KRT23: variants seen among roughly 807,000 people sequenced by gnomAD.
The protein encoded by KRT23 is keratin 23, also known as keratin, type I cytoskeletal 23.
Under a neutral mutation model 47.6 loss-of-function variants are expected in KRT23, and 38 were observed. That is an observed-to-expected ratio of 0.80 (90% CI 0.62 to 1.05). The LOEUF is 1.05. KRT23 is among the 50% of genes least tolerant of loss of function. KRT23 has a pLI of 0.00. For missense variants in KRT23, 503 were observed against 529.5 expected, an observed-to-expected ratio of 0.95 and a Z score of 0.49; for synonymous variants, 191 against 199.0, an observed-to-expected ratio of 0.96 and a Z score of 0.34.
chr17:40,933,683 A>G (rs1909852052), intron 2 of KRT23, among the ~76,000 whole-genome samples: 1 of 152,240 alleles, frequency 6.6e-6, no homozygotes, highest in African/African-American at 2.4e-5. Context: ...AATGTGCTTG[A>G]TATAGAGCAC....
rs769519537 is a variant in KRT23 at position 40,928,594 on chromosome 17, T to C, written c.650A>G (p.His217Arg). Residue 217 changes from histidine (H) to arginine (R), a missense_variant, in exon 5 of 9, where the codon CAT (histidine) becomes CGT (arginine). Transcript: ENST00000209718. ...KKHHEQEMEK[H>R]HVPSDFNVNV... ...GACATTGAAGTCACTTGGCACATGATGCTTCTCCATTTCCTATTTAATAAC... is the reference window on the plus strand; with the variant it reads ...GACATTGAAGTCACTTGGCACATGACGCTTCTCCATTTCCTATTTAATAAC... 3.1e-6 allele frequency: 5 copies of C among 1,612,040 alleles called. No individual in the cohort carries two copies. Among genetic ancestry groups the C allele is most frequent in the Non-Finnish European group, 4.2e-6 (5 of 1,179,628 alleles).
chr17:40,925,319 C>T, intron 7 of KRT23, 35 bp downstream of exon 7: 4 of 1,568,900 alleles, frequency 2.5e-6, no homozygotes, highest in East Asian at 2.2e-5. Context: ...CTGGAGGTCC[C>T]TCGCATGCTC....
In KRT23 at chr17:40,936,676, A is replaced by C; in HGVS notation, c.-73T>G. On this transcript the variant is annotated 5_prime_UTR_variant, in exon 2 of 9. Coordinates refer to ENST00000209718, the MANE Select transcript of KRT23 (RefSeq NM_015515.5). The stretch of plus-strand genomic sequence containing the variant: ...GCACCGCAGAACTGAGCCGCCCCAG[A>C]CTGCCCTGGATGGTTTTATGGCCTT... The C allele has an allele frequency of 7.1e-7, 1 of 1,408,512 alleles. No homozygotes were observed. Among genetic ancestry groups the C allele is most frequent in the Admixed American group, 2.6e-5 (1 of 38,048 alleles). 87.3% of individuals were successfully genotyped at this position (1,408,512 alleles called of 1,614,324 possible). A position where few individuals can be genotyped will look rare whatever the true frequency, so the allele number is the denominator to read the frequency against.
chr17:40,936,138 C>T, intron 2 of KRT23, 70 bp downstream of exon 2: 2 of 1,549,840 alleles, frequency 1.3e-6, no homozygotes, highest in Non-Finnish European at 1.8e-6. Flanking sequence ...CTTCTGGACT[C>T]ATTTTTCCTC....
chr17:40,925,885 G>A (rs995209687), intron 6 of KRT23, among the ~76,000 whole-genome samples: 5 of 152,112 alleles, frequency 3.3e-5, no homozygotes, highest in Admixed American at 6.5e-5. Flanking sequence ...TTGTATCTTC[G>A]GAGAAGGGTC....
At chr17:40,924,708 C>A (rs1177805164) in intron 7 of KRT23, among the ~76,000 whole-genome samples, 2 of 152,162 alleles carry the variant, frequency 1.3e-5, no homozygotes, top group Non-Finnish European at 2.9e-5. Flanking sequence ...CTCCTGCTAA[C>A]CCTGGAGTCA....
At chr17:40,934,443 A>G (rs975344447) in intron 2 of KRT23, among the ~76,000 whole-genome samples, 2 of 152,122 alleles carry the variant, frequency 1.3e-5, no homozygotes, top group Admixed American at 6.5e-5. Context: ...GCACCTACTC[A>G]CTTTTCTCAA....
intron 4 of KRT23, 99 bp from the exon 5 acceptor site, chr17:40,928,706 CG>C (rs1255103681): frequency 8.9e-7 from 1 of 1,125,322 alleles, no homozygotes; most frequent in Non-Finnish European, 1.3e-6. Context: ...TTAAACATTC[CG>C]ATTATGTGGT....
At position 40,936,600 on chromosome 17, in the gene KRT23, T is replaced by TCATGGTCC. The variant is rs539569084; in HGVS notation, c.-5_3dup (p.Asn2GlyfsTer3). 3.0e-4 allele frequency: 458 copies of TCATGGTCC among 1,514,248 alleles called. No homozygotes were observed. In the African/African-American group the frequency reaches 5.4e-3, roughly 18 times the overall value. The allele number at this position is 1,514,248 out of a possible 1,614,324, so 93.8% of individuals were successfully genotyped here. A position where few individuals can be genotyped will look rare whatever the true frequency, so the allele number is the denominator to read the frequency against. On this transcript the variant is annotated frameshift_variant, in exon 2 of 9. Coordinates refer to ENST00000209718, the MANE Select transcript of KRT23 (RefSeq NM_015515.5). LOFTEE classifies it high-confidence loss of function. Reference sequence around the variant, plus strand: ...GTCTGGCTGAAGCTGTGTCCGGAGTTCATGGTCCCATCTGTGTTTGGGACG... The same window carrying TCATGGTCC: ...GTCTGGCTGAAGCTGTGTCCGGAGTTCATGGTCCCATGGTCCCATCTGTGTTTGGGACG...
At chr17:40,930,351 T>C (rs777484786) in intron 3 of KRT23, among the ~76,000 whole-genome samples, 10 of 152,238 alleles carry the variant, frequency 6.6e-5, no homozygotes, top group Non-Finnish European at 1.5e-4. Context: ...TTAGCAACCA[T>C]GAATGTTTTG....
intron 2 of KRT23, among the ~76,000 whole-genome samples, chr17:40,934,986 G>A (rs1909954646): frequency 6.6e-6 from 1 of 151,574 alleles, no homozygotes; most frequent in African/African-American, 2.4e-5. Flanking sequence ...TTCTAACCTT[G>A]TATTTCTTTT....
intron 6 of KRT23, 129 bp from the exon 7 acceptor site, chr17:40,925,703 A>G: frequency 1.4e-6 from 1 of 693,090 alleles, no homozygotes; most frequent in Non-Finnish European, 2.5e-6. Flanking sequence ...GGACACCAAG[A>G]TGAGAAGTAG....
chr17:40,925,462 T>C lies in KRT23; in HGVS notation c.1034A>G (p.His345Arg). The C allele has an allele frequency of 3.7e-6, 6 of 1,614,184 alleles. No homozygotes were observed. Among genetic ancestry groups the C allele is most frequent in the Non-Finnish European group, 5.1e-6 (6 of 1,180,024 alleles). ...TTCATTGTTCTGCCGCTCCAGTTCA[T>C]GGCGTAGCTGCGTCAGTTCCTCCTC... ...HYEEELTQLR[H>R]ELERQNNEYQ... The change falls in exon 7 of 9, where the codon CAT becomes CGT. Residue 345 changes from histidine to arginine, a missense_variant. Physicochemically the swap from His to Arg is conservative, Grantham distance 29 (BLOSUM62 0). Coordinates refer to ENST00000209718, the MANE Select transcript of KRT23 (RefSeq NM_015515.5).
chr17:40,923,050 TG>T lies in KRT23; in HGVS notation c.1207del (p.Gln403ArgfsTer8). Reference protein sequence around the residue: ...SATPKIKAITQETINGRLVLC... With the variant: ...SATPKIKAITXETINGRLVLC... ...AACTAATCTTCCGTTGATGGTCTCC[TG>T]GGTTATGGCCTTGATCTTTGGAGTT... is the stretch of plus-strand genomic sequence containing the variant. On this transcript the variant is annotated frameshift_variant, in exon 9 of 9. Transcript: ENST00000209718. 1.2e-6 allele frequency: 2 copies of T among 1,614,108 alleles called. No homozygotes were observed. Among genetic ancestry groups the T allele is most frequent in the Non-Finnish European group, 1.7e-6 (2 of 1,179,926 alleles).
At chr17:40,933,835 G>A (rs941305911) in intron 2 of KRT23, among the ~76,000 whole-genome samples, 13 of 150,288 alleles carry the variant, frequency 8.7e-5, no homozygotes, top group African/African-American at 2.9e-4. Context: ...TTTACTGAGT[G>A]TTGTAATTAA....
In KRT23 at chr17:40,931,404, C is replaced by G. The variant is rs1242519851; in HGVS notation, c.448G>C (p.Ala150Pro). 2 of 1,613,690 alleles carry G rather than the reference C, an allele frequency of 1.2e-6. No individual in the cohort carries two copies. The highest frequency in any genetic ancestry group is 1.7e-6 in the Non-Finnish European group (2 of 1,179,554). The change falls in exon 3 of 9, where the codon GCC (alanine) becomes CCC (proline). Residue 150 changes from alanine to proline, a missense_variant. Coordinates refer to ENST00000209718, the MANE Select transcript of KRT23 (RefSeq NM_015515.5). Reference protein sequence around the residue: ...NAQIILLIDNARMAVDDFNLK... With the variant: ...NAQIILLIDNPRMAVDDFNLK... ...TTGAAGTCATCCACTGCCATCCTGG[C>G]ATTGTCAATGAGAAGAATAATCTGA...
At chr17:40,924,021 A>G in intron 8 of KRT23, among the ~76,000 whole-genome samples, 1 of 152,228 alleles carries the variant, frequency 6.6e-6, no homozygotes, top group East Asian at 1.9e-4. Context: ...CATCTTTAAT[A>G]CACTGAACTG....
rs9257 is a variant in KRT23, at chr17:40,928,252, T to C, written c.907A>G (p.Thr303Ala). 693,991 of 1,613,648 alleles carry C rather than the reference T, an allele frequency of 0.43. 156,198 individuals carry two copies. The highest frequency in any genetic ancestry group is 0.73 in the East Asian group (32,609 of 44,870). Residue 303 changes from threonine (T) to alanine (A), a missense_variant, in exon 6 of 9, where the codon ACA (threonine) becomes GCA (alanine). Physicochemically the swap from Thr to Ala is moderately conservative, Grantham distance 58 (BLOSUM62 0). Coordinates refer to ENST00000209718, the MANE Select transcript of KRT23 (RefSeq NM_015515.5). ...TFQALEIDLQ[T>A]QYSTKSALEN... ...CCTTGACTCACCGTGCTGTACTGTG[T>C]CTGCAGGTCAATCTCCAGGGCCTGG...
chr17:40,930,129 T>C (rs1409034141), intron 3 of KRT23, 33 bp from the exon 4 acceptor site: 3 of 1,590,762 alleles, frequency 1.9e-6, no homozygotes, highest in East Asian at 2.2e-5. Context: ...AGTGCACTCA[T>C]TGTTGGAAGG....
Sources: gnomAD v4.1 joint callset for allele counts (sites outside exome capture counted in the v4.1 genomes callset) on GRCh38, gnomAD v4.1.1 for gene constraint, MANE v1.5 for transcripts, NCBI Gene and HGNC (gene_info 2026-07-23, HGNC 2026-07-21) for gene names.